OXR1: variants seen among roughly 807,000 people sequenced by gnomAD.
OXR1 encodes oxidation resistance 1.
OXR1 carries 41 observed loss-of-function variants against 104.6 expected under a neutral mutation model. The observed-to-expected ratio is 0.39, with a 90% CI of 0.31 to 0.51. The LOEUF is 0.51. Ranked by LOEUF, OXR1 falls within the 20% of genes least tolerant of loss-of-function variation. The pLI is 0.77. For missense variants in OXR1, 955 were observed against 1,031.9 expected, an observed-to-expected ratio of 0.93 and a Z score of 1.02; for synonymous variants, 348 against 348.4, an observed-to-expected ratio of 1.00 and a Z score of 0.01.
intron 11 of OXR1, among the ~76,000 whole-genome samples, chr8:106,731,042 C>T (rs1268729956): frequency 6.6e-6 from 1 of 152,124 alleles, no homozygotes; most frequent in African/African-American, 2.4e-5. Flanking sequence ...GTTGTCAGCT[C>T]TTTGGATTTT....
intron 2 of OXR1, among the ~76,000 whole-genome samples, chr8:106,375,711 C>T (rs1046350234): frequency 6.6e-6 from 1 of 152,134 alleles, no homozygotes; most frequent in South Asian, 2.1e-4. Context: ...CAGTCTGACT[C>T]CCAGCTAGGC....
At chr8:106,506,752 T>A (rs977469126) in intron 2 of OXR1, among the ~76,000 whole-genome samples, 9 of 151,988 alleles carry the variant, frequency 5.9e-5, no homozygotes, top group African/African-American at 2.2e-4. Context: ...CCAAAATACT[T>A]AGGGATTGAA....
At chr8:106,613,113 A>G (rs1586898102) in intron 3 of OXR1, among the ~76,000 whole-genome samples, 1 of 151,960 alleles carries the variant, frequency 6.6e-6, no homozygotes, top group East Asian at 1.9e-4. Flanking sequence ...AATATGAGAC[A>G]TTTTTCCCTA....
rs750764834 is a variant in OXR1 at position 106,692,712 on chromosome 8, T to TA, written c.526-2dup. Reference sequence around the variant, plus strand: ...TTTCTGCTTTTTTTTTTCTTTCCTTTAAAAAAAAAAAAAAGAATCCTGATG... The same window carrying TA: ...TTTCTGCTTTTTTTTTTCTTTCCTTTAAAAAAAAAAAAAAAGAATCCTGATG... On this transcript the variant is annotated splice_polypyrimidine_tract_variant and intron_variant, in intron 6 of 16. Coordinates refer to ENST00000517566, the MANE Select transcript of OXR1 (RefSeq NM_001198533.2). 0.03 allele frequency: 34,674 copies of TA among 1,140,758 alleles called. 1 individual carries two copies. The highest frequency in any genetic ancestry group is 0.034 in the Non-Finnish European group (29,003 of 858,896). 70.7% of individuals were successfully genotyped at this position (1,140,758 alleles called of 1,614,324 possible).
At chr8:106,592,963 T>C (rs1006347284) in intron 3 of OXR1, among the ~76,000 whole-genome samples, 1 of 152,198 alleles carries the variant, frequency 6.6e-6, no homozygotes, top group Non-Finnish European at 1.5e-5. Flanking sequence ...CCCTACAGTC[T>C]CCTGTTCCTT....
intron 3 of OXR1, among the ~76,000 whole-genome samples, chr8:106,563,914 GAAAT>G (rs368463515): frequency 1.8e-3 from 271 of 152,210 alleles, no homozygotes; most frequent in African/African-American, 5.9e-3. Context: ...AATTAAGGAA[GAAAT>G]AAATAAGTTC....
intron 3 of OXR1, among the ~76,000 whole-genome samples, chr8:106,676,963 G>A (rs976222516): frequency 1.3e-5 from 2 of 151,982 alleles, no homozygotes; most frequent in African/African-American, 4.8e-5. Context: ...TTCTTGCCCT[G>A]AACTGCATTC....
intron 2 of OXR1, among the ~76,000 whole-genome samples, chr8:106,463,993 G>T (rs896503372): frequency 6.6e-6 from 1 of 152,060 alleles, no homozygotes. Context: ...TCCAATTGCA[G>T]AATGTAGTTA....
intron 3 of OXR1, among the ~76,000 whole-genome samples, chr8:106,633,298 A>G (rs1480400917): frequency 5.9e-5 from 9 of 152,168 alleles, no homozygotes; most frequent in Non-Finnish European, 8.8e-5. Context: ...ATTGCATAAT[A>G]AAAAACACTA....
At chr8:106,735,177 C>G (rs987769885) in intron 11 of OXR1, among the ~76,000 whole-genome samples, 2 of 151,330 alleles carry the variant, frequency 1.3e-5, no homozygotes, top group Admixed American at 6.6e-5. Flanking sequence ...TTTCTGTACT[C>G]AAATTCAAAT....
rs368660308 is a variant in OXR1 at position 106,598,649 on chromosome 8, T to C, written c.220+79510T>C. On this transcript the variant is annotated intron_variant, in intron 3 of 16. Transcript: ENST00000517566. ...GTATAGTAATTCTAACTAATGCCTTTTAATATTTTTGGAAAGTTTACAAAT... is the reference window on the plus strand; with the variant it reads ...GTATAGTAATTCTAACTAATGCCTTCTAATATTTTTGGAAAGTTTACAAAT... 1.4e-4 allele frequency among the ~76,000 whole-genome samples: 21 copies of C among 152,334 alleles called. No individual in the cohort carries two copies. The East Asian group carries it at 3.9e-3, about 28-fold the overall frequency.
At chr8:106,460,963 GTTATAT>G (rs1820874982) in intron 2 of OXR1, among the ~76,000 whole-genome samples, 1 of 151,562 alleles carries the variant, frequency 6.6e-6, no homozygotes, top group South Asian at 2.1e-4. Flanking sequence ...ATCTATATTA[GTTATAT>G]ATTTTATATT....
At chr8:106,535,503 C>G (rs558846714) in intron 3 of OXR1, among the ~76,000 whole-genome samples, 1 of 152,226 alleles carries the variant, frequency 6.6e-6, no homozygotes, top group East Asian at 1.9e-4. Flanking sequence ...AGGGATTTAG[C>G]CTCCTTTGAA....
At chr8:106,281,333 A>G (rs1329713914) in intron 1 of OXR1, among the ~76,000 whole-genome samples, 2 of 152,316 alleles carry the variant, frequency 1.3e-5, no homozygotes, top group African/African-American at 2.4e-5. Context: ...TGAGGAATGG[A>G]TAAACAAATA....
At chr8:106,731,134 C>G (rs571605066) in intron 11 of OXR1, among the ~76,000 whole-genome samples, 3 of 152,028 alleles carry the variant, frequency 2.0e-5, no homozygotes, top group African/African-American at 7.2e-5. Flanking sequence ...AGTGAGCATC[C>G]TTTCATAGTC....
intron 1 of OXR1, among the ~76,000 whole-genome samples, chr8:106,348,273 G>A (rs765140700): frequency 6.6e-6 from 1 of 152,050 alleles, no homozygotes; most frequent in Non-Finnish European, 1.5e-5. Context: ...TTGAAGCAAA[G>A]TCTGAAAAGT....
At chr8:106,601,979 G>A (rs1820005464) in intron 3 of OXR1, among the ~76,000 whole-genome samples, 4 of 152,138 alleles carry the variant, frequency 2.6e-5, no homozygotes, top group Admixed American at 2.6e-4. Context: ...TTGCTGTGTA[G>A]AGAAACCCAA....
intron 3 of OXR1, among the ~76,000 whole-genome samples, chr8:106,556,991 C>T (rs984341137): frequency 6.6e-6 from 1 of 152,170 alleles, no homozygotes; most frequent in Non-Finnish European, 1.5e-5. Context: ...GATATTTACG[C>T]AGTTTGAACA....
chr8:106,615,520 A>C (rs1218951867), intron 3 of OXR1, among the ~76,000 whole-genome samples: 2 of 150,366 alleles, frequency 1.3e-5, no homozygotes, highest in African/African-American at 4.9e-5. Context: ...AGGTGGGAGG[A>C]TGGCTTGAGC....
Sources: gnomAD v4.1 joint callset for allele counts (sites outside exome capture counted in the v4.1 genomes callset) on GRCh38, gnomAD v4.1.1 for gene constraint, MANE v1.5 for transcripts, NCBI Gene and HGNC (gene_info 2026-07-23, HGNC 2026-07-21) for gene names.